FCHO2: variants seen among roughly 807,000 people sequenced by gnomAD.
The protein encoded by FCHO2 is FCH and mu domain containing endocytic adaptor 2, also known as F-BAR domain only protein 2.
A neutral mutation model predicts 114.1 loss-of-function variants in FCHO2; 43 were observed. The observed-to-expected ratio is 0.38, with a 90% CI of 0.30 to 0.49. FCHO2 has a LOEUF of 0.49. FCHO2 is among the 20% of genes least tolerant of loss of function. The pLI is 0.97. For missense variants in FCHO2, 807 were observed against 950.4 expected (o/e 0.85, Z 1.98); for synonymous variants, 293 against 315.2 (o/e 0.93, Z 0.75).
At chr5:73,044,273 A>G (rs1380618563) in intron 11 of FCHO2, among the ~76,000 whole-genome samples, 1 of 152,166 alleles carries the variant, frequency 6.6e-6, no homozygotes, top group Non-Finnish European at 1.5e-5. Context: ...AGACGAATAC[A>G]GTCACCCAGG....
rs766383862 is a variant in FCHO2 at position 73,015,639 on chromosome 5, T to C, written c.614T>C (p.Ile205Thr). ...MTETAQKFQD[I>T]EETHLIHIKE... Reference sequence around the variant, plus strand: ...TATGTTACCCAGAAATTTCAAGATATTGAAGAAACTCATCTCATTCACATA... The same window carrying C: ...TATGTTACCCAGAAATTTCAAGATACTGAAGAAACTCATCTCATTCACATA... Residue 205 changes from isoleucine (I) to threonine (T), a missense_variant, in exon 7 of 26, where the codon ATT (isoleucine) becomes ACT (threonine). Coordinates refer to ENST00000430046, the MANE Select transcript of FCHO2 (RefSeq NM_138782.3). 3.2e-6 allele frequency: 5 copies of C among 1,564,214 alleles called. No homozygotes were observed. The highest frequency in any genetic ancestry group is 1.2e-5 in the South Asian group (1 of 83,452).
intron 13 of FCHO2, among the ~76,000 whole-genome samples, chr5:73,053,351 A>G (rs1277081939): frequency 3.9e-5 from 6 of 152,188 alleles, no homozygotes; most frequent in Non-Finnish European, 8.8e-5. Context: ...TTATTGTACC[A>G]TTACTATTTA....
intron 11 of FCHO2, among the ~76,000 whole-genome samples, chr5:73,047,731 G>A (rs923719318): frequency 7.9e-5 from 12 of 152,162 alleles, no homozygotes; most frequent in Admixed American, 1.3e-4. Context: ...CATACTTTAA[G>A]TCATCTCTAG....
intron 7 of FCHO2, 70 bp downstream of exon 7, chr5:73,015,794 T>G (rs1755276319): frequency 1.1e-6 from 1 of 900,374 alleles, no homozygotes; most frequent in African/African-American, 1.8e-5. Flanking sequence ...TAAAAATATT[T>G]TCTCACTCTG....
chr5:73,007,802 TTA>T (rs1255986246), intron 6 of FCHO2, among the ~76,000 whole-genome samples: 1 of 152,166 alleles, frequency 6.6e-6, no homozygotes, highest in Non-Finnish European at 1.5e-5. Flanking sequence ...TTATAAATTA[TTA>T]TAAGTATTGC....
chr5:72,965,085 G>A (rs1361238959), intron 1 of FCHO2, among the ~76,000 whole-genome samples: 3 of 152,030 alleles, frequency 2.0e-5, no homozygotes, highest in Non-Finnish European at 4.4e-5. Flanking sequence ...GGCATCCACT[G>A]GGGGTTTTGA....
chr5:73,031,560 C>T (rs1237153917), intron 8 of FCHO2, among the ~76,000 whole-genome samples: 2 of 152,166 alleles, frequency 1.3e-5, no homozygotes, highest in African/African-American at 4.8e-5. Flanking sequence ...CAGTAAGTTG[C>T]TTTTCTTCTT....
intron 5 of FCHO2, among the ~76,000 whole-genome samples, chr5:72,993,054 T>C (rs984891595): frequency 1.3e-5 from 2 of 151,402 alleles, no homozygotes; most frequent in African/African-American, 4.9e-5. Flanking sequence ...ACCAATAAAT[T>C]CAATAATTGG....
intron 5 of FCHO2, among the ~76,000 whole-genome samples, chr5:73,000,335 G>C (rs1283037900): frequency 6.6e-6 from 1 of 152,060 alleles, no homozygotes; most frequent in African/African-American, 2.4e-5. Context: ...GCCGAGTATG[G>C]TGGTGTGTGC....
chr5:73,024,584 G>T (rs1170293837), intron 8 of FCHO2, among the ~76,000 whole-genome samples: 1 of 151,978 alleles, frequency 6.6e-6, no homozygotes, highest in Non-Finnish European at 1.5e-5. Flanking sequence ...GATTACAGGT[G>T]CCCACCACCA....
intron 8 of FCHO2, chr5:73,021,255 G>C (rs1305021865): frequency 3.3e-6 from 2 of 601,380 alleles, no homozygotes; most frequent in Non-Finnish European, 3.1e-6. Context: ...TCATCCCACA[G>C]TAACATGGAG....
chr5:73,014,250 G>T (rs1351917703), intron 6 of FCHO2, among the ~76,000 whole-genome samples: 3 of 151,138 alleles, frequency 2.0e-5, no homozygotes, highest in Admixed American at 6.6e-5. Context: ...CATCTCTTTT[G>T]GGGATTGTAT....
At chr5:72,999,630 GTC>G (rs1286908851) in intron 5 of FCHO2, among the ~76,000 whole-genome samples, 3 of 151,986 alleles carry the variant, frequency 2.0e-5, no homozygotes, top group Admixed American at 6.6e-5. Flanking sequence ...TGATATGCCC[GTC>G]TCAGCCTTCC....
intron 5 of FCHO2, among the ~76,000 whole-genome samples, chr5:72,996,115 C>T (rs543767816): frequency 6.6e-5 from 10 of 151,956 alleles, no homozygotes; most frequent in African/African-American, 1.7e-4. Context: ...TGGTAGCGGG[C>T]GCTTGTAATC....
chr5:72,977,287 G>A (rs1433307283), intron 2 of FCHO2, among the ~76,000 whole-genome samples: 1 of 152,144 alleles, frequency 6.6e-6, no homozygotes, highest in Non-Finnish European at 1.5e-5. Flanking sequence ...TCCAGCATCT[G>A]TTGTTTCCTG....
chr5:73,081,958 T>C lies in FCHO2; in HGVS notation c.2156T>C (p.Met719Thr). 2 of 1,577,082 alleles carry C rather than the reference T, an allele frequency of 1.3e-6. No homozygotes were observed. The highest frequency in any genetic ancestry group is 3.4e-4 in the Middle Eastern group (2 of 5,924). The part of the protein sequence containing the change: ...VVPVDGGVTN[M>T]QSLPPAIWNA... ...CCAGTGGATGGAGGAGTAACGAACA[T>C]GCAGTCCCTTCCCCCTGCAATATGG... The change falls in exon 23 of 26, where the codon ATG becomes ACG. Residue 719 changes from methionine (M) to threonine (T), a missense_variant. Met to Thr is a moderately conservative substitution (Grantham distance 81). Transcript: ENST00000430046.
chr5:72,962,615 G>A (rs551210173), intron 1 of FCHO2, among the ~76,000 whole-genome samples: 2 of 152,022 alleles, frequency 1.3e-5, no homozygotes, highest in Non-Finnish European at 2.9e-5. Flanking sequence ...TAGAGTTGGG[G>A]CAGGTGCAGT....
At chr5:72,980,868 G>A (rs1753169389) in intron 2 of FCHO2, among the ~76,000 whole-genome samples, 1 of 152,088 alleles carries the variant, frequency 6.6e-6, no homozygotes, top group Non-Finnish European at 1.5e-5. Context: ...CCTGAATACA[G>A]CACACCAGTG....
intron 5 of FCHO2, among the ~76,000 whole-genome samples, chr5:72,996,508 A>G (rs1439386092): frequency 6.6e-6 from 1 of 152,014 alleles, no homozygotes; most frequent in Non-Finnish European, 1.5e-5. Context: ...AACAGAAAAA[A>G]GCTATTGACT....
Sources: gnomAD v4.1 joint callset for allele counts (sites outside exome capture counted in the v4.1 genomes callset) on GRCh38, gnomAD v4.1.1 for gene constraint, MANE v1.5 for transcripts, NCBI Gene and HGNC (gene_info 2026-07-23, HGNC 2026-07-21) for gene names.